PTPRN2: variants seen among roughly 807,000 people sequenced by gnomAD.
PTPRN2 encodes protein tyrosine phosphatase receptor type N2.
Under a neutral mutation model 118.8 loss-of-function variants are expected in PTPRN2, and 74 were observed. The ratio of observed to expected loss-of-function variants is 0.62; its 90% confidence interval spans 0.52 to 0.76. The LOEUF is 0.76. Among genes scored for constraint, PTPRN2 ranks in the 30% least tolerant of loss-of-function variants. PTPRN2 has a pLI of 0.00. For synonymous variants in PTPRN2, 641 were observed against 608.0 expected, an observed-to-expected ratio of 1.05 and a Z score of -0.80; for missense variants, 1,481 against 1,394.4, an observed-to-expected ratio of 1.06 and a Z score of -0.99.
chr7:157,979,388 C>T (rs1249153149), intron 11 of PTPRN2, among the ~76,000 whole-genome samples: 3 of 152,194 alleles, frequency 2.0e-5, no homozygotes, highest in African/African-American at 7.2e-5. Context: ...GAACATTCCA[C>T]ATCTGAGAAA....
At chr7:157,925,775 CAG>C (rs1464876523) in intron 11 of PTPRN2, among the ~76,000 whole-genome samples, 1 of 130,490 alleles carries the variant, frequency 7.7e-6, no homozygotes, top group Middle Eastern at 3.6e-3. Flanking sequence ...AGACGCGTCA[CAG>C]AGAAACGACG....
chr7:157,557,552 C>CCACACACA (rs56360906), intron 21 of PTPRN2, among the ~76,000 whole-genome samples: 61,170 of 149,482 alleles, frequency 0.41, 12,881 homozygotes, highest in South Asian at 0.57. Flanking sequence ...ACACACACTC[C>CCACACACA]CACACACACA....
chr7:158,308,375 ACAT>A (rs1801455242), intron 3 of PTPRN2, among the ~76,000 whole-genome samples: 1 of 152,246 alleles, frequency 6.6e-6, no homozygotes, highest in African/African-American at 2.4e-5. Context: ...AAATGAAAGG[ACAT>A]TAGACAGTGA....
rs544073148 is a variant in PTPRN2 at position 157,733,222 on chromosome 7, C to T, written c.1789-50285G>A. Among the ~76,000 whole-genome samples, 189 of 29,156 alleles carry T rather than the reference C, an allele frequency of 6.5e-3. 21 individuals are homozygous for T. Among genetic ancestry groups the T allele is most frequent in the Non-Finnish European group, 5.6e-3 (84 of 15,026 alleles). 19.1% of individuals were successfully genotyped at this position (29,156 alleles called of 152,430 possible). ...CACAGTTACCCTTTCCCGTCCCACG[C>T]GCCCAGCACAGTTACTCTTTTCCGT... On this transcript the variant is annotated intron_variant, in intron 12 of 22. Transcript: ENST00000389418.
At chr7:158,162,432 A>G (rs573194902) in intron 6 of PTPRN2, among the ~76,000 whole-genome samples, 280 of 152,338 alleles carry the variant, frequency 1.8e-3, no homozygotes, top group African/African-American at 6.4e-3. Context: ...TTCAGCACTA[A>G]AGAGAAATGA....
chr7:157,582,737 C>T (rs552400952), intron 17 of PTPRN2, among the ~76,000 whole-genome samples: 1 of 151,610 alleles, frequency 6.6e-6, no homozygotes. Context: ...AGCCGGGTAT[C>T]GTGGCATGCA....
chr7:158,331,509 C>T (rs1176605607), intron 2 of PTPRN2, among the ~76,000 whole-genome samples: 9 of 143,194 alleles, frequency 6.3e-5, no homozygotes, highest in African/African-American at 1.9e-4. Flanking sequence ...AGCTGTCACC[C>T]ACAGACATCA....
chr7:157,654,241 G>A (rs1259709990), intron 14 of PTPRN2, among the ~76,000 whole-genome samples: 4 of 16,920 alleles, frequency 2.4e-4, no homozygotes, highest in South Asian at 2.3e-3. Flanking sequence ...CCCCGACTCC[G>A]CACGATGCCC....
intron 12 of PTPRN2, among the ~76,000 whole-genome samples, chr7:157,783,215 A>C (rs1030392973): frequency 7.2e-5 from 11 of 152,084 alleles, no homozygotes; most frequent in African/African-American, 2.7e-4. Context: ...TCTTTCCTTC[A>C]TAAATTACCC....
chr7:158,557,951 T>C (rs1827154960), intron 1 of PTPRN2, among the ~76,000 whole-genome samples: 1 of 152,216 alleles, frequency 6.6e-6, no homozygotes, highest in Non-Finnish European at 1.5e-5. Flanking sequence ...CAGTAGCTAT[T>C]GGTTAACTTC....
chr7:157,633,670 C>A (rs1441898961), intron 14 of PTPRN2, among the ~76,000 whole-genome samples: 2 of 151,956 alleles, frequency 1.3e-5, no homozygotes, highest in Non-Finnish European at 2.9e-5. Context: ...CTGGGCAGGG[C>A]CTGAGTGGGG....
intron 11 of PTPRN2, among the ~76,000 whole-genome samples, chr7:157,930,726 G>A (rs1231670801): frequency 6.6e-6 from 1 of 152,224 alleles, no homozygotes; most frequent in Non-Finnish European, 1.5e-5. Context: ...GCTTCCTGGG[G>A]CACCAGCCCC....
intron 12 of PTPRN2, 121 bp from the exon 13 acceptor site, chr7:157,683,058 C>G: frequency 1.1e-6 from 1 of 872,050 alleles, no homozygotes; most frequent in Non-Finnish European, 1.8e-6. Context: ...TGTGCTGGCC[C>G]TGGAGCCACA....
At chr7:158,264,344 A>G (rs1563057679) in intron 3 of PTPRN2, among the ~76,000 whole-genome samples, 1 of 152,154 alleles carries the variant, frequency 6.6e-6, no homozygotes. Context: ...TACCACTCAA[A>G]GCACCGTGGA....
chr7:158,160,676 G>A (rs1017443842), intron 6 of PTPRN2, among the ~76,000 whole-genome samples: 1 of 152,174 alleles, frequency 6.6e-6, no homozygotes, highest in Non-Finnish European at 1.5e-5. Flanking sequence ...GGGTATTTCA[G>A]ATGCCTGCAG....
At chr7:158,242,212 A>G (rs1465892726) in intron 3 of PTPRN2, among the ~76,000 whole-genome samples, 1 of 152,026 alleles carries the variant, frequency 6.6e-6, no homozygotes, top group Non-Finnish European at 1.5e-5. Context: ...CGTCCTCTGC[A>G]CCTTCCTCTC....
intron 11 of PTPRN2, among the ~76,000 whole-genome samples, chr7:158,013,372 T>A (rs1982123): frequency 0.14 from 21,033 of 152,070 alleles, 1,496 homozygotes; most frequent in Admixed American, 0.17. Context: ...TATCCATCCA[T>A]CATCCACCTA....
At chr7:158,577,634 G>GCACT (rs1828412002) in intron 1 of PTPRN2, among the ~76,000 whole-genome samples, 1 of 152,372 alleles carries the variant, frequency 6.6e-6, no homozygotes, top group African/African-American at 2.4e-5. Context: ...AGCAAAGTGA[G>GCACT]CACTCACCTT....
intron 11 of PTPRN2, among the ~76,000 whole-genome samples, chr7:157,911,122 C>G (rs1246828670): frequency 1.3e-5 from 2 of 152,196 alleles, no homozygotes; most frequent in African/African-American, 4.8e-5. Context: ...CAAGAAGAGG[C>G]TATCCATGAA....
Sources: allele counts gnomAD v4.1 joint callset (sites outside exome capture counted in the v4.1 genomes callset), GRCh38; gene constraint gnomAD v4.1.1; transcripts MANE v1.5; gene names NCBI Gene and HGNC (gene_info 2026-07-23, HGNC 2026-07-21).